The following EDA variants were observed in gnomAD, a reference collection of about 807,000 sequenced individuals.
EDA encodes the protein ectodysplasin-A.
A neutral mutation model predicts 23.6 loss-of-function variants in EDA; 2 were observed. The ratio of observed to expected loss-of-function variants is 0.08; its 90% CI spans 0.03 to 0.27. The LOEUF is 0.27. EDA is among the 10% of genes least tolerant of loss of function. EDA has a pLI of 1.00. For synonymous variants in EDA, 131 were observed against 132.0 expected (o/e 0.99, Z 0.05); for missense variants, 229 against 324.2 (o/e 0.71, Z 2.26).
chrX:69,759,722 G>A (rs900464447), intron 1 of EDA, among the ~76,000 whole-genome samples: 3 of 111,017 alleles, frequency 2.7e-5, no homozygotes, highest in African/African-American at 6.6e-5. Context: ...GAAATGCTTC[G>A]AAACAAGTGC....
chrX:69,676,499 T>C (rs774503243), intron 1 of EDA, among the ~76,000 whole-genome samples: 603 of 109,342 alleles, frequency 5.5e-3, no homozygotes, highest in Non-Finnish European at 8.8e-3. Flanking sequence ...TGTGTGTGTG[T>C]GTGCGCGCGC....
chrX:69,981,992 G>C (rs191974712), intron 2 of EDA, among the ~76,000 whole-genome samples: 1 of 111,569 alleles, frequency 9.0e-6, no homozygotes, highest in Non-Finnish European at 1.9e-5. Flanking sequence ...CTGAAGCATA[G>C]TGGTTGGAGG....
intron 4 of EDA, among the ~76,000 whole-genome samples, chrX:70,029,156 G>A (rs141721647): frequency 0.01 from 1,142 of 112,757 alleles, 18 homozygotes; most frequent in African/African-American, 0.035. Flanking sequence ...TAATAGAAAG[G>A]GAGCAAAACA....
intron 1 of EDA, among the ~76,000 whole-genome samples, chrX:69,624,701 T>G (rs1170997807): frequency 1.8e-5 from 2 of 108,477 alleles, no homozygotes; most frequent in Admixed American, 9.8e-5. Flanking sequence ...AAAGCTTGGG[T>G]TTTTTTTTCC....
chrX:69,877,341 A>C lies in EDA; in HGVS notation c.397-79686A>C, dbSNP rs531689946. Among the ~76,000 whole-genome samples, 5 of 111,808 alleles carry C rather than the reference A, an allele frequency of 4.5e-5. No individual in the cohort carries two copies. In the South Asian group the frequency reaches 1.9e-3, roughly 42 times the overall value. Reference sequence around the variant, plus strand: ...ATACCATTTTGCATACCCTTGAGCAATATATGAGAGTTCCTGTTACCATCT... The same window carrying C: ...ATACCATTTTGCATACCCTTGAGCACTATATGAGAGTTCCTGTTACCATCT... On this transcript the variant is annotated intron_variant, in intron 1 of 7. Transcript: ENST00000374552.
intron 1 of EDA, among the ~76,000 whole-genome samples, chrX:69,633,932 C>T (rs904595369): frequency 8.9e-5 from 10 of 112,059 alleles, no homozygotes. Context: ...TATTGAGGAA[C>T]CACCAAGCTG....
intron 1 of EDA, among the ~76,000 whole-genome samples, chrX:69,754,872 T>A (rs1335175720): frequency 8.9e-6 from 1 of 112,422 alleles, no homozygotes; most frequent in Non-Finnish European, 1.9e-5. Context: ...GCATGCATCA[T>A]GTAGTTCTCG....
intron 1 of EDA, among the ~76,000 whole-genome samples, chrX:69,735,216 T>C (rs868212032): frequency 1.7e-5 from 1 of 60,032 alleles, no homozygotes; most frequent in Non-Finnish European, 5.1e-5. Flanking sequence ...TGTATGTGTA[T>C]ATACACATAC....
intron 1 of EDA, among the ~76,000 whole-genome samples, chrX:69,670,524 TC>T (rs762262676): frequency 2.7e-5 from 3 of 110,908 alleles, no homozygotes; most frequent in Non-Finnish European, 3.8e-5. Flanking sequence ...CCTTTGAAAA[TC>T]CCATAATGTG....
chrX:70,014,582 C>A (rs768007272), intron 2 of EDA, among the ~76,000 whole-genome samples: 6 of 111,888 alleles, frequency 5.4e-5, no homozygotes, highest in Non-Finnish European at 1.9e-5. Context: ...CTTAGCCAGG[C>A]TGAAATGGCT....
rs149975042 is a variant in EDA, at chrX:69,616,433, T to C, written c.125T>C (p.Leu42Pro). 1.7e-6 allele frequency: 2 copies of C among 1,210,293 alleles called. No homozygotes were observed. Among genetic ancestry groups the C allele is most frequent in the South Asian group, 3.5e-5 (2 of 56,821 alleles). The change falls in exon 1 of 8, where the codon CTC (leucine) becomes CCC (proline). Residue 42 changes from leucine to proline, a missense_variant. By Grantham distance (98) the Leu-to-Pro change is moderately conservative. Around this residue, in one of 2 missense-constraint regions of EDA, gnomAD observed 54 missense variants for 42.4 expected, o/e 1.27. Transcript: ENST00000374552. ...GCGGGCGAAGGGAACAGCTGCCTGC[T>C]CTTCCTGGGTTTCTTTGGCCTCTCG... ...ARAGEGNSCL[L>P]FLGFFGLSLA...
At chrX:69,849,082 TACACACACACACAC>T (rs370800783) in intron 1 of EDA, among the ~76,000 whole-genome samples, 48 of 57,025 alleles carry the variant, frequency 8.4e-4, no homozygotes, top group African/African-American at 1.9e-3. Context: ...AAAGTCTATA[TACACACACACACAC>T]ACACACACAC....
At chrX:69,664,933 T>C (rs1242288244) in intron 1 of EDA, among the ~76,000 whole-genome samples, 1 of 112,053 alleles carries the variant, frequency 8.9e-6, no homozygotes, top group African/African-American at 3.2e-5. Flanking sequence ...CTACCAGCAG[T>C]GTACAAGAGT....
chrX:69,745,310 G>A (rs144485095), intron 1 of EDA, among the ~76,000 whole-genome samples: 278 of 111,446 alleles, frequency 2.5e-3, no homozygotes, highest in Middle Eastern at 4.7e-3. Flanking sequence ...GATGCCATTC[G>A]TCTAGGAAAT....
chrX:69,786,194 A>T (rs1235481899), intron 1 of EDA, among the ~76,000 whole-genome samples: 1 of 110,799 alleles, frequency 9.0e-6, no homozygotes, highest in Non-Finnish European at 1.9e-5. Context: ...TTTCTTTATT[A>T]GTCTTGCTAG....
chrX:69,734,716 T>C (rs2013182214), intron 1 of EDA, among the ~76,000 whole-genome samples: 1 of 112,108 alleles, frequency 8.9e-6, no homozygotes, highest in Admixed American at 9.5e-5. Flanking sequence ...ATTGTTTAAT[T>C]TCCAAGCATT....
At chrX:69,741,890 T>C (rs903197537) in intron 1 of EDA, among the ~76,000 whole-genome samples, 19 of 111,969 alleles carry the variant, frequency 1.7e-4, no homozygotes, top group African/African-American at 6.2e-4. Context: ...GGTCTGAACT[T>C]ACTCATGCTC....
intron 2 of EDA, among the ~76,000 whole-genome samples, chrX:69,990,824 A>G (rs1265070989): frequency 9.4e-6 from 1 of 106,868 alleles, no homozygotes; most frequent in African/African-American, 3.4e-5. Flanking sequence ...TTTATGAGGC[A>G]GAAAGAAAAC....
intron 1 of EDA, among the ~76,000 whole-genome samples, chrX:69,702,953 GT>G (rs368110900): frequency 0.015 from 1,523 of 102,023 alleles, 18 homozygotes; most frequent in African/African-American, 0.047. Flanking sequence ...AGGTTTGCAA[GT>G]TTTTTTTTTT....
Sources: allele counts gnomAD v4.1 joint callset (sites outside exome capture counted in the v4.1 genomes callset), GRCh38; gene constraint gnomAD v4.1.1; regional missense constraint gnomAD v4.1.1; transcripts MANE v1.5; gene names NCBI Gene and HGNC (gene_info 2026-07-23, HGNC 2026-07-21).